The following C11orf65 variants were observed in gnomAD, a reference collection of about 807,000 sequenced individuals.
C11orf65 encodes the protein chromosome 11 open reading frame 65.
Under a neutral mutation model 35.3 loss-of-function variants are expected in C11orf65, and 38 were observed. That is an observed-to-expected ratio of 1.08 (90% confidence interval 0.83 to 1.41). The LOEUF is 1.41. Among genes scored for constraint, C11orf65 ranks in the 40% most tolerant of loss-of-function variants. The probability of loss-of-function intolerance (pLI) is 0.00; values close to 1 mark genes in which losing one functional copy is unlikely to be tolerated. For synonymous variants in C11orf65, 105 were observed against 114.4 expected (o/e 0.92, Z 0.53); for missense variants, 370 against 367.1 (o/e 1.01, Z -0.06).
At chr11:108,468,312 G>A (rs1444908171), upstream of C11orf65, among the ~76,000 whole-genome samples, 3 of 152,158 alleles carry the variant, frequency 2.0e-5, no homozygotes, top group Non-Finnish European at 4.4e-5. Flanking sequence ...GAAAACAGAC[G>A]ACCTCTTGAA....
chr11:108,355,091 A>AGAGCT, intron 2 of C11orf65: 1 of 567,342 alleles, frequency 1.8e-6, no homozygotes, highest in Non-Finnish European at 3.2e-6. Context: ...TTGGAATGTT[A>AGAGCT]GAGCATTGTA....
At chr11:108,465,877 A>G (rs780416473) in intron 1 of C11orf65, among the ~76,000 whole-genome samples, 3 of 151,490 alleles carry the variant, frequency 2.0e-5, no homozygotes, top group Non-Finnish European at 4.4e-5. Flanking sequence ...CCAGCTACTC[A>G]GGAAGGCTGA....
At chr11:108,457,142 A>C (rs1692164012) in intron 2 of C11orf65, among the ~76,000 whole-genome samples, 1 of 152,166 alleles carries the variant, frequency 6.6e-6, no homozygotes. Context: ...TATTCTTTAA[A>C]CCAATAAGGT....
At chr11:108,321,701 T>C (rs889860952) in intron 6 of C11orf65, among the ~76,000 whole-genome samples, 1 of 151,740 alleles carries the variant, frequency 6.6e-6, no homozygotes, top group African/African-American at 2.4e-5. Context: ...GAAAATTGCT[T>C]GAACCCAGCA....
At chr11:108,364,419 TA>T (rs2091120901) in intron 2 of C11orf65, among the ~76,000 whole-genome samples, 1 of 152,204 alleles carries the variant, frequency 6.6e-6, no homozygotes, top group African/African-American at 2.4e-5. Flanking sequence ...ATTTACGACC[TA>T]AAGCTACTTG....
At chr11:108,400,581 G>T (rs2092421474) in intron 6 of C11orf65, among the ~76,000 whole-genome samples, 1 of 152,208 alleles carries the variant, frequency 6.6e-6, no homozygotes, top group African/African-American at 2.4e-5. Flanking sequence ...GGATGGGAAA[G>T]AACACATTTG....
chr11:108,452,803 T>C (rs1229666001), intron 2 of C11orf65, among the ~76,000 whole-genome samples: 1 of 152,008 alleles, frequency 6.6e-6, no homozygotes, highest in Non-Finnish European at 1.5e-5. Flanking sequence ...ATACACACCA[T>C]GGAATACTAT....
At chr11:108,462,534 T>C (rs1169050364) in intron 1 of C11orf65, 1 of 152,228 alleles carries the variant, frequency 6.6e-6, no homozygotes, top group African/African-American at 2.4e-5. Flanking sequence ...TGAAAGTCCA[T>C]GACTTTTACA....
rs1398852129 is a variant in C11orf65, at chr11:108,336,656, G to A, written c.227-1364C>T. ...TTGAACATACAAATTTCATACATGCGCAGGCAAATTTGTAGCATGGATTTC... is the reference window on the plus strand; with the variant it reads ...TTGAACATACAAATTTCATACATGCACAGGCAAATTTGTAGCATGGATTTC... On this transcript the variant is annotated intron_variant, in intron 2 of 3. Transcript: ENST00000524755. Among the ~76,000 whole-genome samples, 4 of 152,256 alleles carry A rather than the reference G, an allele frequency of 2.6e-5. No homozygotes were observed. In the East Asian group the frequency reaches 5.8e-4, roughly 22 times the overall value.
rs538932450 is a variant in C11orf65 at position 108,405,326 on chromosome 11, C to A, written c.560+103G>T. 146 of 1,177,662 alleles carry A rather than the reference C, an allele frequency of 1.2e-4. 2 individuals are homozygous for A. The South Asian group carries it at 2.1e-3, about 17-fold the overall frequency. The allele number at this position is 1,177,662 out of a possible 1,614,324, so 73.0% of individuals were successfully genotyped here. The stretch of plus-strand genomic sequence containing the variant: ...TTTGGGTCAGGGTCTGCGGGCAGAC[C>A]CCCTGCAGCTAATGCCCTCTTGTGA... On this transcript the variant is annotated intron_variant, in intron 6 of 8. Transcript: ENST00000393084.
chr11:108,385,959 T>G lies in C11orf65; in HGVS notation c.748A>C (p.Lys250Gln), dbSNP rs1223299313. The change falls in exon 8 of 9, where the codon AAG (lysine) becomes CAG (glutamine). Residue 250 changes from lysine (K) to glutamine (Q), a missense_variant. Physicochemically the swap from Lys to Gln is moderately conservative, Grantham distance 53. Coordinates refer to ENST00000393084, the MANE Select transcript of C11orf65 (RefSeq NM_152587.5). Reference protein sequence around the residue: ...LNFDEYIASWKEIATSNSSAN... With the variant: ...LNFDEYIASWQEIATSNSSAN... ...GAAGAGTTGCTTGTAGCAATTTCCT[T>G]CCAGCTGGCAATGTACCTAAGCACA... 1.2e-6 allele frequency: 2 copies of G among 1,613,950 alleles called. No homozygotes were observed. The highest frequency in any genetic ancestry group is 3.3e-5 in the Admixed American group (2 of 60,000).
At chr11:108,348,153 G>GTATT (rs1183289363) in intron 2 of C11orf65, among the ~76,000 whole-genome samples, 3 of 151,930 alleles carry the variant, frequency 2.0e-5, no homozygotes, top group Admixed American at 6.6e-5. Flanking sequence ...TTATTTTGAA[G>GTATT]TATTAATGGA....
At chr11:108,447,418 A>G (rs1420116792) in intron 2 of C11orf65, among the ~76,000 whole-genome samples, 1 of 152,130 alleles carries the variant, frequency 6.6e-6, no homozygotes, top group Non-Finnish European at 1.5e-5. Context: ...AAAGAACAGA[A>G]ATTATAAAAA....
chr11:108,315,206 C>T (rs769960923), intron 6 of C11orf65, among the ~76,000 whole-genome samples: 1 of 152,216 alleles, frequency 6.6e-6, no homozygotes, highest in Non-Finnish European at 1.5e-5. Flanking sequence ...ATACTCACAA[C>T]ACAATAATGC....
chr11:108,408,840 A>G (rs1199923453), intron 3 of C11orf65, among the ~76,000 whole-genome samples: 1 of 151,830 alleles, frequency 6.6e-6, no homozygotes, highest in East Asian at 1.9e-4. Flanking sequence ...AGACAGTTCA[A>G]TCTTGTCTCC....
intron 2 of C11orf65, among the ~76,000 whole-genome samples, chr11:108,361,187 C>G (rs2090702213): frequency 8.6e-6 from 1 of 115,824 alleles, no homozygotes; most frequent in Non-Finnish European, 1.8e-5. Flanking sequence ...TGAGTGAACT[C>G]CCATTCACAA....
intron 6 of C11orf65, chr11:108,310,103 T>G (rs2084014651): frequency 6.5e-7 from 1 of 1,549,140 alleles, no homozygotes; most frequent in Non-Finnish European, 8.9e-7. Flanking sequence ...CAACATGCTT[T>G]TATTTTGATA....
chr11:108,336,000 T>C (rs1287277114), intron 2 of C11orf65: 9 of 1,489,062 alleles, frequency 6.0e-6, no homozygotes, highest in African/African-American at 2.8e-5. Context: ...CAAAAACATA[T>C]AAAAGATGCC....
chr11:108,384,407 C>T (rs1173356463), intron 8 of C11orf65, among the ~76,000 whole-genome samples: 1 of 152,088 alleles, frequency 6.6e-6, no homozygotes, highest in Non-Finnish European at 1.5e-5. Flanking sequence ...TATCTCACAA[C>T]CTATGTGCTA....
Sources: allele counts gnomAD v4.1 joint callset (sites outside exome capture counted in the v4.1 genomes callset), GRCh38; gene constraint gnomAD v4.1.1; transcripts MANE v1.5; gene names NCBI Gene and HGNC (gene_info 2026-07-23, HGNC 2026-07-21).